The following SLC39A8 variants were observed in gnomAD, a reference collection of about 807,000 sequenced individuals.
SLC39A8 encodes the protein metal cation symporter ZIP8.
A neutral mutation model predicts 40.4 loss-of-function variants in SLC39A8; 15 were observed. The observed-to-expected ratio is 0.37, with a 90% CI of 0.25 to 0.57. The LOEUF (loss-of-function observed/expected upper bound fraction) is 0.57. SLC39A8 is among the 20% of genes least tolerant of loss of function. The probability of loss-of-function intolerance (pLI) is 0.75; values close to 1 mark genes in which losing one functional copy is unlikely to be tolerated. For missense variants in SLC39A8, 472 were observed against 558.8 expected (o/e 0.84, Z 1.57); for synonymous variants, 223 against 221.6 (o/e 1.01, Z -0.06).
At chr4:102,264,248 G>A (rs1373791369) in intron 8 of SLC39A8, among the ~76,000 whole-genome samples, 4 of 152,254 alleles carry the variant, frequency 2.6e-5, no homozygotes, top group South Asian at 4.1e-4. Flanking sequence ...CATGGACTGC[G>A]GAATGTATGT....
intron 6 of SLC39A8, among the ~76,000 whole-genome samples, chr4:102,274,548 A>C (rs575115299): frequency 1.6e-4 from 25 of 152,352 alleles, no homozygotes; most frequent in Admixed American, 7.2e-4. Flanking sequence ...ATCCAGGAGA[A>C]CTTCCTCAAC....
chr4:102,304,416 T>C lies in SLC39A8; in HGVS notation c.741A>G (p.Ala247=), dbSNP rs1403195633. Residue 247 remains alanine (A), a synonymous_variant, in exon 6 of 9, where the codon GCA becomes GCG. Coordinates refer to ENST00000356736, the MANE Select transcript of SLC39A8 (RefSeq NM_001135146.2). ...ATGTCACACCATTGATGGCAGGTAA[T>C]GCTTTAGGTTGATGAGTTTTTTCTT... The part of the protein sequence containing the change: ...GPQEKTHQPK[A]LPAINGVTCY... 6.2e-7 allele frequency: 1 copy of C among 1,611,736 alleles called. No homozygotes were observed. Among genetic ancestry groups the C allele is most frequent in the Non-Finnish European group, 8.5e-7 (1 of 1,178,462 alleles).
chr4:102,332,318 A>G (rs1318880517), intron 2 of SLC39A8, among the ~76,000 whole-genome samples: 1 of 152,244 alleles, frequency 6.6e-6, no homozygotes, highest in Non-Finnish European at 1.5e-5. Flanking sequence ...CAAATTTACA[A>G]GAACAAAAAC....
At chr4:102,337,832 AAT>A (rs965647708) in intron 2 of SLC39A8, among the ~76,000 whole-genome samples, 9 of 152,240 alleles carry the variant, frequency 5.9e-5, no homozygotes, top group Non-Finnish European at 8.8e-5. Flanking sequence ...TGTTGCTCAA[AAT>A]ATAGTCCCTT....
chr4:102,289,558 A>G (rs528432034), intron 6 of SLC39A8, among the ~76,000 whole-genome samples: 1 of 152,294 alleles, frequency 6.6e-6, no homozygotes, highest in East Asian at 1.9e-4. Flanking sequence ...TCTAGAAAGG[A>G]TTCATCAATC....
At chr4:102,299,301 TA>T (rs367878700) in intron 6 of SLC39A8, among the ~76,000 whole-genome samples, 13,116 of 142,996 alleles carry the variant, frequency 0.092, 663 homozygotes, top group South Asian at 0.15. Flanking sequence ...ATTTCATACT[TA>T]AAAAAAAAAA....
chr4:102,281,772 GAGA>G (rs1418636285), intron 6 of SLC39A8, among the ~76,000 whole-genome samples: 2 of 152,128 alleles, frequency 1.3e-5, no homozygotes, highest in Non-Finnish European at 2.9e-5. Context: ...CATGGAGCGT[GAGA>G]AGTAGGAGCC....
intron 3 of SLC39A8, among the ~76,000 whole-genome samples, chr4:102,315,128 A>G (rs1478404520): frequency 6.6e-6 from 1 of 152,188 alleles, no homozygotes; most frequent in Non-Finnish European, 1.5e-5. Context: ...TCTTTGCATC[A>G]GATCATACCG....
intron 2 of SLC39A8, among the ~76,000 whole-genome samples, chr4:102,320,576 GTA>G (rs1307816821): frequency 1.4e-3 from 1 of 740 alleles, no homozygotes; most frequent in African/African-American, 6.5e-3. Flanking sequence ...ATATATGAGA[GTA>G]TATATATATG....
chr4:102,323,409 G>A (rs537699977), intron 2 of SLC39A8, among the ~76,000 whole-genome samples: 35 of 152,314 alleles, frequency 2.3e-4, no homozygotes, highest in African/African-American at 7.2e-4. Context: ...TGAGGTCAGG[G>A]AAGGCTTCCT....
At chr4:102,271,582 G>A (rs1732365797) in intron 6 of SLC39A8, among the ~76,000 whole-genome samples, 1 of 152,198 alleles carries the variant, frequency 6.6e-6, no homozygotes, top group South Asian at 2.1e-4. Flanking sequence ...AGCTATCACT[G>A]TCCAACAGGG....
rs776706999 is a variant in SLC39A8, at chr4:102,305,093, T to C, written c.571A>G (p.Lys191Glu). The change falls in exon 5 of 9, where the codon AAA (lysine) becomes GAA (glutamate). Residue 191 changes from lysine (K) to glutamate (E), a missense_variant. By Grantham distance (56) the Lys-to-Glu change is moderately conservative. Transcript: ENST00000356736. ...LIPEAFGFDP[K>E]VDSYVEKAVA... ...GCCTTCTCAACATAACTGTCGACTTTGGGATCAAATCCAAATGCCTAAGGG... is the reference window on the plus strand; with the variant it reads ...GCCTTCTCAACATAACTGTCGACTTCGGGATCAAATCCAAATGCCTAAGGG... 1.7e-5 allele frequency: 28 copies of C among 1,607,976 alleles called. No individual in the cohort carries two copies. Among genetic ancestry groups the C allele is most frequent in the Non-Finnish European group, 2.4e-5 (28 of 1,177,526 alleles).
At position 102,262,267 on chromosome 4, in the gene SLC39A8, G is replaced by A. The variant is rs766482443; in HGVS notation, c.*777C>T. ...AGCAAACACATGGTGCACTGAAACC[G>A]AGGTGTTACCAGCTTTACATACTGT... is the stretch of plus-strand genomic sequence containing the variant. On this transcript the variant is annotated 3_prime_UTR_variant, in exon 9 of 9. Transcript: ENST00000356736. The A allele has an allele frequency of 5.1e-6, 5 of 985,740 alleles. No homozygotes were observed. The highest frequency in any genetic ancestry group is 4.8e-6 in the Non-Finnish European group (4 of 829,922). 61.1% of individuals were successfully genotyped at this position (985,740 alleles called of 1,614,324 possible). A position where few individuals can be genotyped will look rare whatever the true frequency, so the allele number is the denominator to read the frequency against.
intron 8 of SLC39A8, among the ~76,000 whole-genome samples, chr4:102,266,627 T>A (rs940929466): frequency 6.6e-6 from 1 of 151,896 alleles, no homozygotes; most frequent in Non-Finnish European, 1.5e-5. Context: ...CTTTTTTTTT[T>A]AGATGGAGTC....
At chr4:102,300,758 G>T (rs1338927100) in intron 6 of SLC39A8, among the ~76,000 whole-genome samples, 1 of 151,184 alleles carries the variant, frequency 6.6e-6, no homozygotes, top group Non-Finnish European at 1.5e-5. Context: ...CTTTTAATGG[G>T]GTCACCTAGG....
chr4:102,278,368 C>T (rs181207495), intron 6 of SLC39A8, among the ~76,000 whole-genome samples: 1 of 152,230 alleles, frequency 6.6e-6, no homozygotes, highest in East Asian at 1.9e-4. Context: ...ATTTATGTGG[C>T]CAACAAACAT....
At chr4:102,306,192 A>T (rs189329933) in intron 4 of SLC39A8, among the ~76,000 whole-genome samples, 23 of 152,128 alleles carry the variant, frequency 1.5e-4, no homozygotes, top group African/African-American at 4.6e-4. Context: ...AAACCTTAAC[A>T]TCATCAATGT....
intron 6 of SLC39A8, among the ~76,000 whole-genome samples, chr4:102,291,597 G>A (rs1346619704): frequency 1.3e-5 from 2 of 151,944 alleles, no homozygotes; most frequent in African/African-American, 2.4e-5. Context: ...GTCCACAGGG[G>A]TTCCTGTATT....
chr4:102,342,615 C>A (rs1327761591), intron 2 of SLC39A8, among the ~76,000 whole-genome samples: 1 of 152,078 alleles, frequency 6.6e-6, no homozygotes. Flanking sequence ...CTTTTTGATG[C>A]CCACAGAGGC....
Sources: gnomAD v4.1 joint callset for allele counts (sites outside exome capture counted in the v4.1 genomes callset) on GRCh38, gnomAD v4.1.1 for gene constraint, MANE v1.5 for transcripts, NCBI Gene and HGNC (gene_info 2026-07-23, HGNC 2026-07-21) for gene names.